The following SLC39A11 variants were observed in gnomAD, a reference collection of about 807,000 sequenced individuals.
The protein encoded by SLC39A11 is solute carrier family 39 member 11.
Under a neutral mutation model 36.1 loss-of-function variants are expected in SLC39A11, and 33 were observed. The observed-to-expected ratio is 0.91, with a 90% CI of 0.69 to 1.22. The LOEUF is 1.22. SLC39A11 is among the 50% of genes most tolerant of loss of function. The pLI is 0.00. For synonymous variants in SLC39A11, 166 were observed against 170.3 expected (o/e 0.97, Z 0.20); for missense variants, 432 against 430.3 (o/e 1.00, Z -0.03).
At chr17:72,957,141 A>T (rs1250315259) in intron 4 of SLC39A11, among the ~76,000 whole-genome samples, 2 of 152,150 alleles carry the variant, frequency 1.3e-5, no homozygotes, top group Non-Finnish European at 2.9e-5. Flanking sequence ...CCAATGTCAA[A>T]TGCTTTTCAA....
chr17:72,740,947 T>G (rs2144099876), intron 6 of SLC39A11, among the ~76,000 whole-genome samples: 1 of 152,154 alleles, frequency 6.6e-6, no homozygotes, highest in South Asian at 2.1e-4. Context: ...GCTAATTTTG[T>G]ATTTTTAGTA....
chr17:73,079,285 C>G (rs9916324), intron 3 of SLC39A11, among the ~76,000 whole-genome samples: 9,369 of 151,832 alleles, frequency 0.062, 399 homozygotes, highest in Non-Finnish European at 0.097. Context: ...TTAGCAGAGA[C>G]GGGGTTTCAC....
intron 7 of SLC39A11, among the ~76,000 whole-genome samples, chr17:72,687,401 G>A (rs1010509514): frequency 1.3e-5 from 2 of 152,114 alleles, no homozygotes; most frequent in African/African-American, 2.4e-5. Flanking sequence ...GTGCCAACAC[G>A]CCCAGCTAAT....
intron 5 of SLC39A11, among the ~76,000 whole-genome samples, chr17:72,941,555 T>TG (rs56053781): frequency 3.1e-5 from 1 of 32,082 alleles, no homozygotes; most frequent in Non-Finnish European, 6.2e-5. Context: ...ATCAGGACTG[T>TG]GTTTTTTTTT....
chr17:72,900,677 G>A (rs2082350251), intron 5 of SLC39A11, among the ~76,000 whole-genome samples: 1 of 151,968 alleles, frequency 6.6e-6, no homozygotes, highest in South Asian at 2.1e-4. Flanking sequence ...CGCCCTCCAG[G>A]GCAGAGGAAA....
At chr17:72,787,334 T>C (rs1447489389) in intron 6 of SLC39A11, among the ~76,000 whole-genome samples, 1 of 136,090 alleles carries the variant, frequency 7.3e-6, no homozygotes, top group Non-Finnish European at 1.5e-5. Context: ...CTCGGCTCAC[T>C]GCAAGCTCCA....
chr17:72,838,210 A>G (rs1462673659), intron 6 of SLC39A11: 1 of 394,176 alleles, frequency 2.5e-6, no homozygotes, highest in Admixed American at 4.4e-5. Flanking sequence ...TGAATTGTGA[A>G]ATTTATTTTT....
chr17:72,669,925 C>A (rs922490220), intron 7 of SLC39A11, among the ~76,000 whole-genome samples: 9 of 143,914 alleles, frequency 6.3e-5, no homozygotes, highest in African/African-American at 2.1e-4. Context: ...GATGTATATA[C>A]ACATATATAC....
intron 6 of SLC39A11, among the ~76,000 whole-genome samples, chr17:72,844,546 G>A (rs1011272522): frequency 1.3e-5 from 2 of 152,210 alleles, no homozygotes; most frequent in Non-Finnish European, 2.9e-5. Flanking sequence ...GCATGCGCCT[G>A]TAGTCCCAAC....
At chr17:72,868,742 A>G (rs943587292) in intron 5 of SLC39A11, among the ~76,000 whole-genome samples, 2 of 151,722 alleles carry the variant, frequency 1.3e-5, no homozygotes, top group African/African-American at 4.8e-5. Context: ...CCAGAAGGCA[A>G]GGCTGCAGTG....
chr17:73,024,519 C>T (rs990437428), intron 4 of SLC39A11, among the ~76,000 whole-genome samples: 4 of 152,048 alleles, frequency 2.6e-5, no homozygotes, highest in African/African-American at 4.8e-5. Context: ...GATATTCTTT[C>T]GTGAACTAGA....
chr17:72,813,319 T>C (rs1416035386), intron 6 of SLC39A11, among the ~76,000 whole-genome samples: 1 of 152,224 alleles, frequency 6.6e-6, no homozygotes, highest in African/African-American at 2.4e-5. Context: ...TTTGAAGTAA[T>C]AAAACCGAAT....
chr17:73,085,794 C>A (rs1337633507), intron 2 of SLC39A11, among the ~76,000 whole-genome samples: 3 of 152,070 alleles, frequency 2.0e-5, no homozygotes, highest in African/African-American at 7.2e-5. Flanking sequence ...ATTCAACAAA[C>A]CCATGAAGAA....
At chr17:72,860,389 G>A (rs1207838239) in intron 5 of SLC39A11, among the ~76,000 whole-genome samples, 2 of 152,206 alleles carry the variant, frequency 1.3e-5, no homozygotes, top group Non-Finnish European at 2.9e-5. Flanking sequence ...CATTCTGTGT[G>A]TGTATGTGTG....
chr17:72,850,191 G>C (rs2079240771), intron 5 of SLC39A11, among the ~76,000 whole-genome samples: 1 of 152,218 alleles, frequency 6.6e-6, no homozygotes, highest in Non-Finnish European at 1.5e-5. Flanking sequence ...ACTCACGCCT[G>C]AAATCCCAAC....
At chr17:72,762,559 T>TG (rs1381360780) in intron 6 of SLC39A11, among the ~76,000 whole-genome samples, 11 of 152,222 alleles carry the variant, frequency 7.2e-5, no homozygotes. Context: ...CAGCAGCCCT[T>TG]GGGGCAGCTC....
intron 7 of SLC39A11, among the ~76,000 whole-genome samples, chr17:72,657,082 C>T (rs2070161249): frequency 6.6e-6 from 1 of 152,186 alleles, no homozygotes; most frequent in Admixed American, 6.5e-5. Flanking sequence ...AATAAATAGG[C>T]CAGGCACGGT....
At chr17:72,842,214 G>C (rs1434692514) in intron 6 of SLC39A11, among the ~76,000 whole-genome samples, 1 of 152,112 alleles carries the variant, frequency 6.6e-6, no homozygotes, top group African/African-American at 2.4e-5. Flanking sequence ...TTGTAAGTCA[G>C]AGTGATAATT....
chr17:72,700,147 G>C (rs1479017646), intron 7 of SLC39A11, among the ~76,000 whole-genome samples: 1 of 152,192 alleles, frequency 6.6e-6, no homozygotes, highest in Non-Finnish European at 1.5e-5. Flanking sequence ...TGGCTTCTTT[G>C]GCGGGAGATG....
Sources: gnomAD v4.1 joint callset for allele counts (sites outside exome capture counted in the v4.1 genomes callset) on GRCh38, gnomAD v4.1.1 for gene constraint, MANE v1.5 for transcripts, NCBI Gene and HGNC (gene_info 2026-07-23, HGNC 2026-07-21) for gene names.